ANO6: variants seen among roughly 807,000 people sequenced by gnomAD.
The protein encoded by ANO6 is anoctamin 6, also known as anoctamin-6.
In ANO6, 106 loss-of-function variants were observed where a neutral mutation model predicts 117.5. The observed-to-expected ratio is 0.90, with a 90% CI of 0.77 to 1.06. The LOEUF is 1.06. Among genes scored for constraint, ANO6 ranks in the 50% least tolerant of loss-of-function variants. ANO6 has a pLI of 0.00. For missense variants in ANO6, 955 were observed against 1,121.1 expected (o/e 0.85, Z 2.12); for synonymous variants, 367 against 385.1 (o/e 0.95, Z 0.55).
At chr12:45,389,697 C>T (rs866649763) in intron 11 of ANO6, among the ~76,000 whole-genome samples, 3 of 152,190 alleles carry the variant, frequency 2.0e-5, no homozygotes, top group Non-Finnish European at 2.9e-5. Flanking sequence ...CAGCAACTTA[C>T]TAGTTGGGTG....
intron 17 of ANO6, 97 bp downstream of exon 17, chr12:45,417,001 A>C: frequency 8.3e-7 from 1 of 1,201,084 alleles, no homozygotes; most frequent in Non-Finnish European, 1.2e-6. Flanking sequence ...AAATGAGAGG[A>C]AGATGCTAAG....
chr12:45,314,674 A>G (rs1046700094), intron 2 of ANO6, among the ~76,000 whole-genome samples: 5 of 152,110 alleles, frequency 3.3e-5, no homozygotes, highest in South Asian at 2.1e-4. Context: ...GCCAGAATCT[A>G]TATATTGATA....
Position 45,401,818 on chromosome 12 carries a change from T to C in ANO6, c.1410T>C (p.Val470=), listed in dbSNP as rs778823117. ...AGATCCTATTGATCATCGCTTCAGT[T>C]ATTGGGATCATTGTCTATAGGCTCT... is the stretch of plus-strand genomic sequence containing the variant. The part of the protein sequence containing the change: ...FFWILLIIAS[V]IGIIVYRLSV... The change falls in exon 13 of 20, where the codon GTT becomes GTC. Residue 470 remains valine (V), a synonymous_variant. Coordinates refer to ENST00000320560, the MANE Select transcript of ANO6 (RefSeq NM_001025356.3). 2.5e-6 allele frequency: 4 copies of C among 1,613,934 alleles called. No individual in the cohort carries two copies. In the South Asian group the frequency reaches 4.4e-5, roughly 18 times the overall value.
chr12:45,216,907 G>C (rs1204376068), intron 1 of ANO6, among the ~76,000 whole-genome samples: 4 of 152,176 alleles, frequency 2.6e-5, no homozygotes, highest in African/African-American at 9.7e-5. Context: ...GAAGTGATTT[G>C]TGGCCGCTAG....
chr12:45,394,360 G>C (rs909601709), intron 12 of ANO6, among the ~76,000 whole-genome samples: 1 of 152,144 alleles, frequency 6.6e-6, no homozygotes, highest in Non-Finnish European at 1.5e-5. Flanking sequence ...AGTCCTTAGA[G>C]ACCTGCAAAG....
intron 16 of ANO6, among the ~76,000 whole-genome samples, chr12:45,414,625 A>C (rs1943168059): frequency 6.6e-6 from 1 of 152,206 alleles, no homozygotes; most frequent in South Asian, 2.1e-4. Context: ...TTACCATAGC[A>C]TTATAATACA....
chr12:45,378,452 G>A (rs956638815), intron 10 of ANO6, among the ~76,000 whole-genome samples: 6 of 152,064 alleles, frequency 3.9e-5, no homozygotes, highest in South Asian at 2.1e-4. Context: ...CTAGAAACCC[G>A]GTTTGGTCTG....
intron 1 of ANO6, among the ~76,000 whole-genome samples, chr12:45,239,667 T>C (rs113483068): frequency 5.3e-5 from 8 of 152,222 alleles, no homozygotes; most frequent in Non-Finnish European, 8.8e-5. Flanking sequence ...CTTTCCTGCT[T>C]TCTCTTGTGG....
At chr12:45,296,846 T>C (rs1305426150) in intron 1 of ANO6, among the ~76,000 whole-genome samples, 1 of 152,232 alleles carries the variant, frequency 6.6e-6, no homozygotes, top group Non-Finnish European at 1.5e-5. Context: ...ATAAGACATT[T>C]AGAAGTACCA....
chr12:45,429,314 G>T lies in ANO6; in HGVS notation c.*3G>T, dbSNP rs375856387. On this transcript the variant is annotated 3_prime_UTR_variant, in exon 20 of 20. Transcript: ENST00000320560. ...ATTTACGGCCAAAATCAGAATAAGA[G>T]CTTTATGTTCTGAGAAGCACTTTAA... The T allele has an allele frequency of 9.3e-6, 15 of 1,612,730 alleles. No homozygotes were observed. The highest frequency in any genetic ancestry group is 1.2e-5 in the Non-Finnish European group (14 of 1,179,458).
Position 45,321,109 on chromosome 12 carries a change from C to G in ANO6, c.151-10186C>G, listed in dbSNP as rs150859134. Among the ~76,000 whole-genome samples, 1,185 of 152,208 alleles carry G rather than the reference C, an allele frequency of 7.8e-3. 20 individuals carry two copies. Among genetic ancestry groups the G allele is most frequent in the African/African-American group, 0.027 (1,112 of 41,524 alleles). ...TGGAAAGACAGCTGGATTCTTATAT[C>G]TGCTTCTGCACTTAAAAGTTGCAAT... On this transcript the variant is annotated intron_variant, in intron 2 of 19. Transcript: ENST00000320560.
At chr12:45,381,416 A>C (rs954468909) in intron 10 of ANO6, among the ~76,000 whole-genome samples, 1 of 152,142 alleles carries the variant, frequency 6.6e-6, no homozygotes, top group Admixed American at 6.5e-5. Flanking sequence ...TTGCAGGGGG[A>C]GAGAGCAAAA....
At chr12:45,327,759 G>A (rs1209889064) in intron 2 of ANO6, among the ~76,000 whole-genome samples, 30 of 151,990 alleles carry the variant, frequency 2.0e-4, no homozygotes, top group Admixed American at 2.0e-3. Context: ...TAGGAGATGG[G>A]ATTACATATG....
Position 45,363,646 on chromosome 12 carries a change from A to C in ANO6, c.999-4042A>C, listed in dbSNP as rs1593016172. Among the ~76,000 whole-genome samples the C allele has an allele frequency of 2.0e-5, 3 of 152,052 alleles. No homozygotes were observed. In the South Asian group the frequency reaches 6.2e-4, roughly 32 times the overall value. ...ATGATTTGGCTGTGTCCTCACCCAA[A>C]TCTCATCTCAAATTGTAGCTCCCAT... On this transcript the variant is annotated intron_variant, in intron 8 of 19. Coordinates refer to ENST00000320560, the MANE Select transcript of ANO6 (RefSeq NM_001025356.3).
At chr12:45,285,894 C>G (rs1938899346) in intron 1 of ANO6, among the ~76,000 whole-genome samples, 1 of 152,140 alleles carries the variant, frequency 6.6e-6, no homozygotes, top group Non-Finnish European at 1.5e-5. Context: ...CTCCTCCTCC[C>G]CACTGGAGGT....
intron 9 of ANO6, among the ~76,000 whole-genome samples, chr12:45,372,426 G>C (rs1433254441): frequency 1.4e-5 from 2 of 143,286 alleles, no homozygotes; most frequent in East Asian, 4.0e-4. Flanking sequence ...CACCAAAGTT[G>C]AAATGAAGGA....
At chr12:45,288,682 A>G (rs79970503) in intron 1 of ANO6, among the ~76,000 whole-genome samples, 2,647 of 152,310 alleles carry the variant, frequency 0.017, 57 homozygotes, top group East Asian at 0.086. Context: ...ATGGATGTCC[A>G]AATATTTGTT....
intron 1 of ANO6, among the ~76,000 whole-genome samples, chr12:45,288,361 A>G (rs1345815423): frequency 6.6e-6 from 1 of 152,186 alleles, no homozygotes. Context: ...TTCATCTTGA[A>G]AAAGGTTGTT....
chr12:45,380,854 C>T (rs774489928), intron 10 of ANO6, among the ~76,000 whole-genome samples: 1 of 152,078 alleles, frequency 6.6e-6, no homozygotes, highest in Non-Finnish European at 1.5e-5. Flanking sequence ...CACCTGTAAT[C>T]CCAACTGGAG....
Sources: gnomAD v4.1 joint callset for allele counts (sites outside exome capture counted in the v4.1 genomes callset) on GRCh38, gnomAD v4.1.1 for gene constraint, MANE v1.5 for transcripts, NCBI Gene and HGNC (gene_info 2026-07-23, HGNC 2026-07-21) for gene names.